The following DLG2 variants were observed in gnomAD, a reference collection of about 807,000 sequenced individuals.
DLG2 encodes the protein disks large homolog 2.
A neutral mutation model predicts 132.5 loss-of-function variants in DLG2; 45 were observed. That is an observed-to-expected ratio of 0.34 (90% CI 0.27 to 0.44). The LOEUF (loss-of-function observed/expected upper bound fraction) is 0.44. DLG2 is among the 20% of genes least tolerant of loss of function. The pLI, the probability that DLG2 is intolerant of heterozygous loss-of-function variation, is 1.00. For synonymous variants in DLG2, 424 were observed against 419.6 expected, an observed-to-expected ratio of 1.01 and a Z score of -0.13; for missense variants, 1,045 against 1,196.9, an observed-to-expected ratio of 0.87 and a Z score of 1.87.
At chr11:84,978,519 CA>C (rs1399297465) in intron 6 of DLG2, among the ~76,000 whole-genome samples, 1 of 152,174 alleles carries the variant, frequency 6.6e-6, no homozygotes. Flanking sequence ...GAGCCCTCTA[CA>C]ACCATCTGAT....
intron 6 of DLG2, among the ~76,000 whole-genome samples, chr11:84,992,185 C>G (rs1332803209): frequency 6.6e-6 from 1 of 152,122 alleles, no homozygotes; most frequent in Non-Finnish European, 1.5e-5. Flanking sequence ...GAAGTCTTCT[C>G]TGAACCACAG....
intron 8 of DLG2, among the ~76,000 whole-genome samples, chr11:84,229,263 T>C (rs960994985): frequency 6.6e-6 from 1 of 152,102 alleles, no homozygotes; most frequent in African/African-American, 2.4e-5. Context: ...AGAAAATCAA[T>C]GGAGGATTTA....
intron 11 of DLG2, among the ~76,000 whole-genome samples, chr11:84,041,041 A>C (rs1351732249): frequency 1.3e-5 from 2 of 151,588 alleles, no homozygotes; most frequent in Admixed American, 6.6e-5. Flanking sequence ...TTGGTGTATA[A>C]GAATGCTTGT....
intron 8 of DLG2, among the ~76,000 whole-genome samples, chr11:84,186,140 C>T (rs879571384): frequency 7.2e-5 from 11 of 152,100 alleles, no homozygotes; most frequent in Non-Finnish European, 1.3e-4. Flanking sequence ...ACATTTGTAG[C>T]TGTGGGTCAC....
intron 6 of DLG2, among the ~76,000 whole-genome samples, chr11:84,844,135 G>GTGTATATA (rs1227140689): frequency 1.1e-4 from 5 of 43,694 alleles, no homozygotes; most frequent in East Asian, 1.2e-3. Flanking sequence ...GTGTGTGTGT[G>GTGTATATA]TATATATATA....
intron 7 of DLG2, among the ~76,000 whole-genome samples, chr11:84,276,551 C>G (rs1431311896): frequency 1.3e-5 from 2 of 152,218 alleles, no homozygotes; most frequent in South Asian, 2.1e-4. Context: ...TTCTTTTCTA[C>G]TATCACTCAG....
At chr11:84,146,017 T>G (rs530329674) in intron 9 of DLG2, among the ~76,000 whole-genome samples, 11 of 152,284 alleles carry the variant, frequency 7.2e-5, no homozygotes, top group Admixed American at 4.6e-4. Context: ...CAAAAGCACT[T>G]TGCACACACA....
intron 3 of DLG2, among the ~76,000 whole-genome samples, chr11:85,415,763 A>T (rs1424162926): frequency 6.6e-6 from 1 of 152,092 alleles, no homozygotes; most frequent in East Asian, 1.9e-4. Flanking sequence ...CCTTTGTCAG[A>T]TGGATAGACT....
At chr11:83,489,522 G>T (rs2093719984) in intron 21 of DLG2, among the ~76,000 whole-genome samples, 1 of 151,882 alleles carries the variant, frequency 6.6e-6, no homozygotes, top group African/African-American at 2.4e-5. Flanking sequence ...AAACCCATCT[G>T]TGATACTTAT....
intron 11 of DLG2, among the ~76,000 whole-genome samples, chr11:84,013,079 T>G (rs2094973845): frequency 6.6e-6 from 1 of 152,200 alleles, no homozygotes; most frequent in Admixed American, 6.5e-5. Context: ...CCAGATCATC[T>G]GTCTTACTTC....
At chr11:84,642,640 G>A (rs567453981) in intron 6 of DLG2, among the ~76,000 whole-genome samples, 1 of 152,246 alleles carries the variant, frequency 6.6e-6, no homozygotes, top group East Asian at 1.9e-4. Flanking sequence ...AAATGAAGCA[G>A]AAGAGAAGAC....
At chr11:85,169,784 TAAAG>T (rs1382869858) in intron 4 of DLG2, among the ~76,000 whole-genome samples, 3 of 152,168 alleles carry the variant, frequency 2.0e-5, no homozygotes, top group African/African-American at 7.2e-5. Flanking sequence ...TAGCTTCAGA[TAAAG>T]AACCTTCAGA....
At chr11:84,197,589 G>A (rs938796988) in intron 8 of DLG2, among the ~76,000 whole-genome samples, 7 of 152,086 alleles carry the variant, frequency 4.6e-5, no homozygotes, top group Non-Finnish European at 1.0e-4. Context: ...ACAAAGGAAG[G>A]TGCCTAAGCA....
intron 11 of DLG2, among the ~76,000 whole-genome samples, chr11:84,047,428 C>T (rs2096264262): frequency 1.3e-5 from 2 of 151,652 alleles, no homozygotes; most frequent in Middle Eastern, 3.4e-3. Context: ...CCAGTCTTTT[C>T]ATCAAATTGC....
In DLG2 at chr11:83,888,705, A is replaced by G. The variant is rs552936654; in HGVS notation, c.1497-14217T>C. Among the ~76,000 whole-genome samples the G allele has an allele frequency of 3.8e-4, 58 of 152,320 alleles. 2 individuals carry two copies. Among genetic ancestry groups the G allele is most frequent in the Admixed American group, 2.6e-3 (40 of 15,296 alleles). On this transcript the variant is annotated intron_variant, in intron 15 of 27. Transcript: ENST00000376104. ...CGTTACCTGACTTCAAACTTGTAGTATACTACAAGGCTACAGTAACCAAAA... is the reference window on the plus strand; with the variant it reads ...CGTTACCTGACTTCAAACTTGTAGTGTACTACAAGGCTACAGTAACCAAAA...
At chr11:84,287,172 A>T (rs1046932185) in intron 7 of DLG2, among the ~76,000 whole-genome samples, 1 of 152,154 alleles carries the variant, frequency 6.6e-6, no homozygotes, top group African/African-American at 2.4e-5. Context: ...TGTGTAAATA[A>T]AAGTATTTGG....
At chr11:84,795,052 A>G (rs1287256459) in intron 6 of DLG2, among the ~76,000 whole-genome samples, 1 of 152,240 alleles carries the variant, frequency 6.6e-6, no homozygotes, top group African/African-American at 2.4e-5. Context: ...CCAGGCTACC[A>G]GTTCCATGGA....
intron 18 of DLG2, among the ~76,000 whole-genome samples, chr11:83,670,853 A>G (rs1424146689): frequency 1.3e-5 from 2 of 152,170 alleles, no homozygotes; most frequent in Non-Finnish European, 2.9e-5. Context: ...GTATACTACT[A>G]TGAAGTGATT....
chr11:83,696,987 G>A (rs2082058558), intron 18 of DLG2, among the ~76,000 whole-genome samples: 1 of 152,182 alleles, frequency 6.6e-6, no homozygotes, highest in Non-Finnish European at 1.5e-5. Flanking sequence ...CTTCAGAAAA[G>A]CAGATGAAAG....
Sources: allele counts gnomAD v4.1 joint callset (sites outside exome capture counted in the v4.1 genomes callset), GRCh38; gene constraint gnomAD v4.1.1; transcripts MANE v1.5; gene names NCBI Gene and HGNC (gene_info 2026-07-23, HGNC 2026-07-21).